SMAP1: variants seen among roughly 807,000 people sequenced by gnomAD.
SMAP1 encodes the protein stromal membrane-associated protein 1.
In SMAP1, 24 loss-of-function variants were observed where a neutral mutation model predicts 58.5. That is an observed-to-expected ratio of 0.41 (90% CI 0.30 to 0.58). The LOEUF (loss-of-function observed/expected upper bound fraction) is 0.58, where lower values mean the gene tolerates loss of function less well. Among genes scored for constraint, SMAP1 ranks in the 20% least tolerant of loss-of-function variants. The probability of loss-of-function intolerance (pLI) is 0.29; values close to 1 mark genes in which losing one functional copy is unlikely to be tolerated. For missense variants in SMAP1, 563 were observed against 566.3 expected (o/e 0.99, Z 0.06); for synonymous variants, 216 against 196.6 (o/e 1.10, Z -0.82).
chr6:70,689,151 G>A (rs1029207961), intron 1 of SMAP1, among the ~76,000 whole-genome samples: 1 of 152,032 alleles, frequency 6.6e-6, no homozygotes, highest in Non-Finnish European at 1.5e-5. Flanking sequence ...TGGGATTACA[G>A]GTGTGCGCCA....
At chr6:70,699,999 A>C (rs112725238) in intron 1 of SMAP1, among the ~76,000 whole-genome samples, 2 of 152,084 alleles carry the variant, frequency 1.3e-5, no homozygotes, top group East Asian at 3.9e-4. Flanking sequence ...GTCACACCCA[A>C]ATCTCATGTT....
chr6:70,861,393 T>C lies in SMAP1; in HGVS notation c.*1059T>C. The C allele has an allele frequency of 2.3e-6, 1 of 426,858 alleles. No homozygotes were observed. The highest frequency in any genetic ancestry group is 4.3e-6 in the Non-Finnish European group (1 of 235,224). 26.4% of individuals were successfully genotyped at this position (426,858 alleles called of 1,614,324 possible). A position where few individuals can be genotyped will look rare whatever the true frequency, so the allele number is the denominator to read the frequency against. On this transcript the variant is annotated 3_prime_UTR_variant, in exon 11 of 11. Coordinates refer to ENST00000370455, the MANE Select transcript of SMAP1 (RefSeq NM_001044305.3). ...TACTCAAGAGTGGTATCTTGCAGTA[T>C]CGGCACTGTACAAAAAAATCTTCCA...
intron 4 of SMAP1, among the ~76,000 whole-genome samples, chr6:70,787,517 A>G (rs529703673): frequency 0.018 from 2,797 of 152,236 alleles, 40 homozygotes; most frequent in Middle Eastern, 0.041. Flanking sequence ...CAGGCAACCT[A>G]CAAAATGGGA....
intron 3 of SMAP1, among the ~76,000 whole-genome samples, chr6:70,763,983 A>G (rs1241065206): frequency 6.6e-6 from 1 of 151,774 alleles, no homozygotes; most frequent in African/African-American, 2.4e-5. Context: ...GGGGCAGTCA[A>G]CTCACTGCAG....
intron 7 of SMAP1, chr6:70,837,648 T>C (rs979367319): frequency 1.8e-5 from 8 of 445,320 alleles, no homozygotes; most frequent in African/African-American, 1.5e-4. Context: ...TCTACAAATA[T>C]TGTTAGCTTC....
At chr6:70,709,132 A>G (rs964397973) in intron 1 of SMAP1, among the ~76,000 whole-genome samples, 5 of 151,766 alleles carry the variant, frequency 3.3e-5, no homozygotes, top group Admixed American at 2.0e-4. Context: ...ATTCTTTTGC[A>G]TTAGATATTT....
chr6:70,699,408 C>T (rs1267305761), intron 1 of SMAP1, among the ~76,000 whole-genome samples: 1 of 152,270 alleles, frequency 6.6e-6, no homozygotes, highest in East Asian at 1.9e-4. Context: ...TGCCTGGCTA[C>T]CACTGATGTT....
intron 6 of SMAP1, among the ~76,000 whole-genome samples, chr6:70,815,636 A>G (rs1455016953): frequency 6.6e-6 from 1 of 152,058 alleles, no homozygotes; most frequent in East Asian, 1.9e-4. Context: ...GCCCCACCCC[A>G]CTGTTGATAG....
intron 5 of SMAP1, among the ~76,000 whole-genome samples, chr6:70,795,995 C>G (rs1301300736): frequency 6.6e-6 from 1 of 152,132 alleles, no homozygotes; most frequent in East Asian, 1.9e-4. Flanking sequence ...TCCCGAAGTG[C>G]TGGGATTACA....
intron 6 of SMAP1, among the ~76,000 whole-genome samples, chr6:70,803,532 A>C (rs996855514): frequency 6.6e-6 from 1 of 151,804 alleles, no homozygotes; most frequent in Non-Finnish European, 1.5e-5. Context: ...CTTGCCTTCT[A>C]CTAGCTTTTG....
chr6:70,819,948 C>T (rs1474752701), intron 6 of SMAP1, among the ~76,000 whole-genome samples: 1 of 152,148 alleles, frequency 6.6e-6, no homozygotes, highest in African/African-American at 2.4e-5. Flanking sequence ...ATTTCCTGCC[C>T]ATAAGGCTCT....
Position 70,668,031 on chromosome 6 carries a change from C to T in SMAP1, c.8C>T (p.Thr3Met), listed in dbSNP as rs141228749. 1 of 1,596,040 alleles carries T rather than the reference C, an allele frequency of 6.3e-7. No individual in the cohort carries two copies. The highest frequency in any genetic ancestry group is 8.5e-7 in the Non-Finnish European group (1 of 1,172,594). The change falls in exon 1 of 11, where the codon ACG becomes ATG. Residue 3 changes from threonine to methionine, a missense_variant. Around this residue, in one of 3 missense-constraint regions of SMAP1, gnomAD observed 52 missense variants for 46.6 expected, o/e 1.11. Coordinates refer to ENST00000370455, the MANE Select transcript of SMAP1 (RefSeq NM_001044305.3). MA[T>M]RSCREKAQKL... The stretch of plus-strand genomic sequence containing the variant: ...CCCCGCCCCGCTGCCGAGATGGCGA[C>T]GCGCTCCTGTCGGGAGAAGGCTCAG...
chr6:70,787,232 A>G (rs2149935463), intron 4 of SMAP1, among the ~76,000 whole-genome samples: 1 of 152,356 alleles, frequency 6.6e-6, no homozygotes, highest in Admixed American at 6.5e-5. Context: ...ATGCTGGGGA[A>G]ACTGGCTAGC....
chr6:70,769,411 A>G (rs187631952), intron 3 of SMAP1, among the ~76,000 whole-genome samples: 1 of 152,088 alleles, frequency 6.6e-6, no homozygotes, highest in African/African-American at 2.4e-5. Context: ...GTCACTCAGG[A>G]CTTGCTTTAT....
chr6:70,768,172 T>C (rs1310670762), intron 3 of SMAP1, among the ~76,000 whole-genome samples: 1 of 152,256 alleles, frequency 6.6e-6, no homozygotes, highest in African/African-American at 2.4e-5. Context: ...CTGAGGATTT[T>C]TGCATCAATG....
intron 1 of SMAP1, among the ~76,000 whole-genome samples, chr6:70,722,772 C>T (rs1336642896): frequency 1.3e-5 from 2 of 152,246 alleles, no homozygotes; most frequent in South Asian, 2.1e-4. Context: ...AGGCACAGAT[C>T]GCTCATGCTA....
At chr6:70,753,810 C>G (rs150838770) in intron 2 of SMAP1, among the ~76,000 whole-genome samples, 3,568 of 152,030 alleles carry the variant, frequency 0.023, 52 homozygotes, top group Non-Finnish European at 0.037. Context: ...CCCTCCGCCC[C>G]CCGCCCATTA....
rs763954699 is a variant in SMAP1 at position 70,860,189 on chromosome 6, A to ATGTT, written c.1270-9_1270-6dup. Reference sequence around the variant, plus strand: ...AAGCCTCTTGAACTAAGCCTTTTATATGTTTCACAGATGAATCAGCAGATG... The same window carrying ATGTT: ...AAGCCTCTTGAACTAAGCCTTTTATATGTTTGTTTCACAGATGAATCAGCAGATG... On this transcript the variant is annotated splice_polypyrimidine_tract_variant and intron_variant, in intron 10 of 10. Transcript: ENST00000370455. 19 of 1,600,090 alleles carry ATGTT rather than the reference A, an allele frequency of 1.2e-5. No individual in the cohort carries two copies. The highest frequency in any genetic ancestry group is 1.8e-5 in the Admixed American group (1 of 56,694).
At chr6:70,841,811 A>G (rs895284272) in intron 7 of SMAP1, among the ~76,000 whole-genome samples, 7 of 152,246 alleles carry the variant, frequency 4.6e-5, no homozygotes, top group Non-Finnish European at 5.9e-5. Flanking sequence ...AAATTAAGCC[A>G]TTAGTATATA....
Sources: allele counts gnomAD v4.1 joint callset (sites outside exome capture counted in the v4.1 genomes callset), GRCh38; gene constraint gnomAD v4.1.1; regional missense constraint gnomAD v4.1.1; transcripts MANE v1.5; gene names NCBI Gene and HGNC (gene_info 2026-07-23, HGNC 2026-07-21).